POC1A: variants seen among roughly 807,000 people sequenced by gnomAD.
The protein encoded by POC1A is POC1 centriolar protein homolog A.
POC1A carries 34 observed loss-of-function variants against 47.8 expected under a neutral mutation model. The ratio of observed to expected loss-of-function variants is 0.71; its 90% CI spans 0.54 to 0.95. POC1A has a LOEUF of 0.95. Among genes scored for constraint, POC1A ranks in the 40% least tolerant of loss-of-function variants. POC1A has a pLI of 0.00. For missense variants in POC1A, 466 were observed against 528.3 expected, an observed-to-expected ratio of 0.88 and a Z score of 1.16; for synonymous variants, 177 against 207.6, an observed-to-expected ratio of 0.85 and a Z score of 1.27.
At position 52,096,554 on chromosome 3, in the gene POC1A, C is replaced by T. The variant is rs1378514617; in HGVS notation, c.1125+15G>A. The T allele has an allele frequency of 2.0e-6, 3 of 1,537,120 alleles. No homozygotes were observed. Among genetic ancestry groups the T allele is most frequent in the Non-Finnish European group, 2.6e-6 (3 of 1,141,296 alleles). ...CAGATGACGGGATGACGGGTGAACCCACAGTGTGGCCTACCTGAGTGAGGA... is the reference window on the plus strand; with the variant it reads ...CAGATGACGGGATGACGGGTGAACCTACAGTGTGGCCTACCTGAGTGAGGA... On this transcript the variant is annotated intron_variant, in intron 10 of 10. Coordinates refer to ENST00000296484, the MANE Select transcript of POC1A (RefSeq NM_015426.5).
intron 10 of POC1A, among the ~76,000 whole-genome samples, chr3:52,088,466 T>C (rs1702534223): frequency 2.0e-5 from 3 of 152,280 alleles, no homozygotes; most frequent in African/African-American, 7.2e-5. Flanking sequence ...ATACCCATAG[T>C]ACAGGCCTGG....
intron 9 of POC1A, among the ~76,000 whole-genome samples, chr3:52,108,400 A>C (rs887062469): frequency 7.9e-5 from 12 of 152,226 alleles, no homozygotes; most frequent in African/African-American, 2.9e-4. Context: ...CACAGCTCTC[A>C]GTGACAAAGA....
chr3:52,142,845 G>A (rs182896803), intron 6 of POC1A, among the ~76,000 whole-genome samples: 334 of 152,244 alleles, frequency 2.2e-3, no homozygotes, highest in Middle Eastern at 0.014. Flanking sequence ...TGGGTAGAGG[G>A]TTTCCCCCTA....
At chr3:52,153,366 T>A (rs1437881197) in intron 1 of POC1A, among the ~76,000 whole-genome samples, 3 of 152,182 alleles carry the variant, frequency 2.0e-5, no homozygotes, top group Non-Finnish European at 4.4e-5. Flanking sequence ...GGAAAGGATG[T>A]CCTTGGGGCA....
At chr3:52,132,100 C>T (rs1479147045) in intron 7 of POC1A, among the ~76,000 whole-genome samples, 2 of 152,210 alleles carry the variant, frequency 1.3e-5, no homozygotes, top group Non-Finnish European at 2.9e-5. Context: ...CTACTGTGTC[C>T]GGTGCTGGGA....
chr3:52,109,450 C>T (rs1703303933), intron 9 of POC1A, among the ~76,000 whole-genome samples: 1 of 151,574 alleles, frequency 6.6e-6, no homozygotes, highest in Non-Finnish European at 1.5e-5. Context: ...TTCCACAATA[C>T]AAAGGTTTTT....
At chr3:52,133,450 G>C (rs1450169707) in intron 7 of POC1A, among the ~76,000 whole-genome samples, 2 of 152,124 alleles carry the variant, frequency 1.3e-5, no homozygotes, top group Non-Finnish European at 2.9e-5. Flanking sequence ...GCAAACAAAA[G>C]GCCTCTCAAA....
At chr3:52,139,597 C>T (rs1439834378) in intron 6 of POC1A, among the ~76,000 whole-genome samples, 1 of 152,198 alleles carries the variant, frequency 6.6e-6, no homozygotes, top group Non-Finnish European at 1.5e-5. Flanking sequence ...CTTCATTTGT[C>T]CTTCCAAAGC....
At chr3:52,148,095 A>G (rs1364164731) in intron 4 of POC1A, among the ~76,000 whole-genome samples, 1 of 152,274 alleles carries the variant, frequency 6.6e-6, no homozygotes, top group Non-Finnish European at 1.5e-5. Flanking sequence ...ACATTTGCAT[A>G]AAGGTGGCCA....
chr3:52,128,242 G>A (rs1704082128), intron 7 of POC1A, among the ~76,000 whole-genome samples: 1 of 152,190 alleles, frequency 6.6e-6, no homozygotes. Context: ...TTCATGTCAT[G>A]ACTCAACCAC....
chr3:52,085,232 A>G (rs1260266325), intron 10 of POC1A, among the ~76,000 whole-genome samples: 1 of 152,070 alleles, frequency 6.6e-6, no homozygotes, highest in East Asian at 1.9e-4. Flanking sequence ...CCCCTGCCCC[A>G]GCTGGGCTCC....
At chr3:52,103,236 A>C (rs1199321186) in intron 9 of POC1A, among the ~76,000 whole-genome samples, 1 of 152,242 alleles carries the variant, frequency 6.6e-6, no homozygotes, top group Non-Finnish European at 1.5e-5. Context: ...GTAAAATCTA[A>C]AACTGTAAGG....
At chr3:52,132,200 G>C (rs1704238642) in intron 7 of POC1A, among the ~76,000 whole-genome samples, 2 of 152,118 alleles carry the variant, frequency 1.3e-5, no homozygotes, top group South Asian at 4.1e-4. Context: ...TCAAGGTCTT[G>C]CCCAATGTCA....
chr3:52,083,390 G>A (rs539595620), intron 10 of POC1A, among the ~76,000 whole-genome samples: 4 of 152,226 alleles, frequency 2.6e-5, no homozygotes, highest in Non-Finnish European at 5.9e-5. Flanking sequence ...GTGGAGTGAC[G>A]TACAGTCCCT....
intron 7 of POC1A, among the ~76,000 whole-genome samples, chr3:52,135,912 A>G (rs1441249927): frequency 2.6e-5 from 4 of 152,078 alleles, no homozygotes; most frequent in African/African-American, 9.7e-5. Flanking sequence ...CAGCTGTAGA[A>G]CCCGGTATTG....
chr3:52,131,624 C>T (rs1370719247), intron 7 of POC1A, among the ~76,000 whole-genome samples: 1 of 152,186 alleles, frequency 6.6e-6, no homozygotes, highest in East Asian at 1.9e-4. Context: ...GGGCAGTGCA[C>T]ATGGACATGT....
chr3:52,100,292 C>A (rs1249172970), intron 9 of POC1A, among the ~76,000 whole-genome samples: 1 of 151,964 alleles, frequency 6.6e-6, no homozygotes, highest in Non-Finnish European at 1.5e-5. Context: ...AAGAAATCAA[C>A]CCATCTGGAG....
chr3:52,122,018 C>G (rs1218841839), intron 9 of POC1A, among the ~76,000 whole-genome samples: 2 of 152,168 alleles, frequency 1.3e-5, no homozygotes, highest in Non-Finnish European at 2.9e-5. Context: ...CCTGAACCCT[C>G]TAGGAGCCCC....
Position 52,090,786 on chromosome 3 carries a change from G to GGGCA in POC1A, c.1125+5779_1125+5782dup, listed in dbSNP as rs1232814582. Among the ~76,000 whole-genome samples, 1 of 152,188 alleles carries GGGCA rather than the reference G, an allele frequency of 6.6e-6. No homozygotes were observed. The highest frequency in any genetic ancestry group is 1.5e-5 in the Non-Finnish European group (1 of 68,020). ...GCACACCTACTGAGCGCCCATCCCT[G>GGGCA]GGCAGGCAGGCCTAGCAGCCTCGGG... On this transcript the variant is annotated intron_variant, in intron 10 of 10. Transcript: ENST00000296484. This position sits in a 1 kb window ranked among gnomAD's most constrained non-coding sequence, Gnocchi z 4.2.
Sources: gnomAD v4.1 joint callset for allele counts (sites outside exome capture counted in the v4.1 genomes callset) on GRCh38, gnomAD v4.1.1 for gene constraint, Gnocchi (gnomAD v3.1) non-coding constraint, MANE v1.5 for transcripts, NCBI Gene and HGNC (gene_info 2026-07-23, HGNC 2026-07-21) for gene names.